Variants in ESR2 observed in about 807,000 individuals in gnomAD.
The protein encoded by ESR2 is estrogen receptor beta.
In ESR2, 36 loss-of-function variants were observed where a neutral mutation model predicts 49.6. That is an observed-to-expected ratio of 0.73 (90% confidence interval 0.56 to 0.96). ESR2 has a LOEUF of 0.96. Among genes scored for constraint, ESR2 ranks in the 40% least tolerant of loss-of-function variants. The pLI is 0.00. For synonymous variants in ESR2, 320 were observed against 266.1 expected, an observed-to-expected ratio of 1.20 and a Z score of -1.97; for missense variants, 714 against 693.0, an observed-to-expected ratio of 1.03 and a Z score of -0.34.
chr14:64,278,520 C>T (rs911316753), intron 3 of ESR2, among the ~76,000 whole-genome samples: 6 of 152,202 alleles, frequency 3.9e-5, no homozygotes, highest in African/African-American at 1.2e-4. Context: ...ACTATGAATT[C>T]TCTCAACGTT....
chr14:64,313,731 T>C (rs1034993677), intron 1 of ESR2, among the ~76,000 whole-genome samples: 1 of 150,360 alleles, frequency 6.7e-6, no homozygotes, highest in African/African-American at 2.4e-5. Context: ...CAAAAAAAAT[T>C]AGCCAGGCGT....
rs1334066326 is a variant in ESR2, at chr14:64,231,240, A to C, written c.*1897T>G. The C allele has an allele frequency of 6.6e-6, 1 of 152,152 alleles. No homozygotes were observed. The highest frequency in any genetic ancestry group is 2.4e-5 in the African/African-American group (1 of 41,444). 9.4% of individuals were successfully genotyped at this position (152,152 alleles called of 1,614,324 possible). A position where few individuals can be genotyped will look rare whatever the true frequency, so the allele number is the denominator to read the frequency against. The stretch of plus-strand genomic sequence containing the variant: ...GTAATCTCTTTTAAAAATACATTTA[A>C]TAGAATTTCACTGGCAGATAATGAG... On this transcript the variant is annotated 3_prime_UTR_variant, in exon 9 of 9. Coordinates refer to ENST00000341099, the MANE Select transcript of ESR2 (RefSeq NM_001437.3).
intron 7 of ESR2, among the ~76,000 whole-genome samples, chr14:64,245,509 CAAAAAAAA>C (rs56160081): frequency 8.6e-4 from 56 of 65,464 alleles, no homozygotes; most frequent in Middle Eastern, 0.011. Context: ...AAGACTCTGT[CAAAAAAAA>C]AAAAAAAAAA....
intron 7 of ESR2, among the ~76,000 whole-genome samples, chr14:64,247,127 G>A (rs1340220552): frequency 6.6e-6 from 1 of 152,096 alleles, no homozygotes; most frequent in Non-Finnish European, 1.5e-5. Context: ...CAAAGAGATG[G>A]GTAGAAATTG....
intron 7 of ESR2, among the ~76,000 whole-genome samples, chr14:64,237,880 T>C (rs1488681968): frequency 1.3e-5 from 2 of 152,134 alleles, no homozygotes; most frequent in African/African-American, 2.4e-5. Flanking sequence ...GTGGGTGGGA[T>C]AGGGAGTGGG....
chr14:64,265,932 A>G (rs1439812360), intron 4 of ESR2, among the ~76,000 whole-genome samples: 3 of 152,238 alleles, frequency 2.0e-5, no homozygotes, highest in African/African-American at 4.8e-5. Flanking sequence ...GGGAAGGCAG[A>G]TAAGAAGAGT....
intron 4 of ESR2, 71 bp downstream of exon 4, chr14:64,268,724 G>A (rs1269649799): frequency 1.2e-6 from 1 of 845,798 alleles, no homozygotes; most frequent in Non-Finnish European, 2.0e-6. Flanking sequence ...CCGGCTACCT[G>A]TCCCCAGTTC....
intron 2 of ESR2, among the ~76,000 whole-genome samples, chr14:64,282,386 T>A (rs1172542285): frequency 6.6e-6 from 1 of 152,136 alleles, no homozygotes; most frequent in Non-Finnish European, 1.5e-5. Flanking sequence ...ATTTACTGTA[T>A]AAAGACAATA....
At chr14:64,271,803 G>C (rs2076452233) in intron 3 of ESR2, among the ~76,000 whole-genome samples, 1 of 152,200 alleles carries the variant, frequency 6.6e-6, no homozygotes, top group Non-Finnish European at 1.5e-5. Flanking sequence ...ATATTCACCT[G>C]TGGATGGACA....
chr14:64,227,344 G>A (rs574533143), downstream of ESR2: 18 of 655,318 alleles, frequency 2.7e-5, no homozygotes, highest in Middle Eastern at 5.9e-4. Context: ...TCACTTTAGC[G>A]TTTACAGTTA....
At chr14:64,243,741 G>A (rs1219127219) in intron 7 of ESR2, among the ~76,000 whole-genome samples, 2 of 152,200 alleles carry the variant, frequency 1.3e-5, no homozygotes, top group Non-Finnish European at 2.9e-5. Flanking sequence ...TGGTGAGAAT[G>A]TGAACTGTTC....
At chr14:64,244,488 G>A (rs151080193) in intron 7 of ESR2, among the ~76,000 whole-genome samples, 417 of 152,054 alleles carry the variant, frequency 2.7e-3, no homozygotes, top group Non-Finnish European at 4.7e-3. Flanking sequence ...TTGGCTGAGT[G>A]CCCAGATAGA....
chr14:64,243,654 G>C (rs938736632), intron 7 of ESR2, among the ~76,000 whole-genome samples: 2 of 152,156 alleles, frequency 1.3e-5, no homozygotes. Flanking sequence ...CACTACTGAG[G>C]CAATACCCTT....
chr14:64,289,830 T>C (rs934995447), intron 1 of ESR2, among the ~76,000 whole-genome samples: 12 of 152,122 alleles, frequency 7.9e-5, no homozygotes, highest in African/African-American at 2.9e-4. Flanking sequence ...GCTTGCAGAC[T>C]AGGAGGATAA....
downstream of ESR2, chr14:64,227,153 G>C (rs1255998): frequency 0.21 from 49,436 of 233,964 alleles, 9,064 homozygotes; most frequent in African/African-American, 0.54. Context: ...CTGTTGGCAG[G>C]CACAGCTGAC....
chr14:64,259,580 T>C (rs1339351225), intron 5 of ESR2, among the ~76,000 whole-genome samples: 1 of 152,226 alleles, frequency 6.6e-6, no homozygotes, highest in Non-Finnish European at 1.5e-5. Context: ...TTTAGCATCA[T>C]ACAGCACTTC....
chr14:64,326,025 T>C (rs192207599), intron 1 of ESR2, among the ~76,000 whole-genome samples: 1 of 152,078 alleles, frequency 6.6e-6, no homozygotes, highest in Non-Finnish European at 1.5e-5. Flanking sequence ...AACCCCAGAT[T>C]ATTAAAGGAT....
In ESR2 at chr14:64,263,602, AC is replaced by A. The variant is rs537204152; in HGVS notation, c.653-2855del. ...AACCCAGGAGGCACAGTGAACCGAG[AC>A]CGTGCCATGCACTCCAGCCTGGGTG... On this transcript the variant is annotated intron_variant, in intron 4 of 8. Transcript: ENST00000341099. Among the ~76,000 whole-genome samples, 388 of 152,186 alleles carry A rather than the reference AC, an allele frequency of 2.5e-3. 2 individuals are homozygous for A. Among genetic ancestry groups the A allele is most frequent in the African/African-American group, 8.9e-3 (370 of 41,516 alleles).
intron 4 of ESR2, among the ~76,000 whole-genome samples, chr14:64,261,214 T>C (rs1316680813): frequency 6.7e-6 from 1 of 149,950 alleles, no homozygotes; most frequent in Non-Finnish European, 1.5e-5. Flanking sequence ...TTTCAGTCTT[T>C]TTAATGCTTT....
Sources: allele counts gnomAD v4.1 joint callset (sites outside exome capture counted in the v4.1 genomes callset), GRCh38; gene constraint gnomAD v4.1.1; transcripts MANE v1.5; gene names NCBI Gene and HGNC (gene_info 2026-07-23, HGNC 2026-07-21).